The following PCF11 variants were observed in gnomAD, a reference collection of about 807,000 sequenced individuals.
The protein encoded by PCF11 is pre-mRNA cleavage complex 2 protein Pcf11.
Under a neutral mutation model 166.1 loss-of-function variants are expected in PCF11, and 19 were observed. The observed-to-expected ratio is 0.11, with a 90% confidence interval of 0.08 to 0.17. PCF11 has a LOEUF of 0.17. Ranked by LOEUF, PCF11 falls within the 10% of genes least tolerant of loss-of-function variation. The probability of loss-of-function intolerance (pLI) is 1.00; values close to 1 mark genes in which losing one functional copy is unlikely to be tolerated. For synonymous variants in PCF11, 663 were observed against 644.1 expected (o/e 1.03, Z -0.44); for missense variants, 1,565 against 1,855.5 (o/e 0.84, Z 2.88).
intron 9 of PCF11, among the ~76,000 whole-genome samples, chr11:83,172,353 A>G (rs888829221): frequency 6.6e-5 from 10 of 152,218 alleles, no homozygotes; most frequent in African/African-American, 2.2e-4. Context: ...GTTCACTGAT[A>G]AGCATCTTTG....
exon 5 of PCF11, chr11:83,166,581 G>A: frequency 6.2e-7 from 1 of 1,613,960 alleles, no homozygotes; most frequent in Non-Finnish European, 8.5e-7. Flanking sequence ...GAAAAAGACT[G>A]AAGAGGAGCG....
intron 15 of PCF11, among the ~76,000 whole-genome samples, chr11:83,183,663 T>C (rs1861162779): frequency 6.6e-6 from 1 of 151,960 alleles, no homozygotes; most frequent in Admixed American, 6.6e-5. Context: ...GCTAATTTTG[T>C]ATTTTTAGTA....
chr11:83,163,701 G>C, exon 3 of PCF11: 1 of 1,554,108 alleles, frequency 6.4e-7, no homozygotes, highest in Non-Finnish European at 8.7e-7. Flanking sequence ...ACTAGGAAAA[G>C]TTTATTTAAG....
chr11:83,161,681 T>C (rs1371917630), intron 2 of PCF11, among the ~76,000 whole-genome samples: 2 of 152,242 alleles, frequency 1.3e-5, no homozygotes, highest in Non-Finnish European at 2.9e-5. Context: ...ATGGATTTGC[T>C]TTTAGAATTG....
chr11:83,164,414 G>C lies in PCF11; in HGVS notation c.702+13G>C. 1 of 1,590,556 alleles carries C rather than the reference G, an allele frequency of 6.3e-7. No individual in the cohort carries two copies. The highest frequency in any genetic ancestry group is 8.6e-7 in the Non-Finnish European group (1 of 1,168,428). On this transcript the variant is annotated intron_variant, in intron 4 of 15. Transcript: ENST00000298281. ...TAAGGCACAGTTGGTAAGTAAGGGAGATTGTCATTTTAAATATTTTAAACC... is the reference window on the plus strand; with the variant it reads ...TAAGGCACAGTTGGTAAGTAAGGGACATTGTCATTTTAAATATTTTAAACC...
At chr11:83,157,403 TCAGCTG>T in exon 1 of PCF11, 2 of 1,584,652 alleles carry the variant, frequency 1.3e-6, no homozygotes, top group Non-Finnish European at 8.6e-7. Flanking sequence ...GGCTTCAGCT[TCAGCTG>T]CAGCGGACCT....
chr11:83,168,035 C>T (rs897484454), intron 7 of PCF11, 137 bp downstream of exon 7: 126 of 708,672 alleles, frequency 1.8e-4, no homozygotes, highest in East Asian at 5.1e-4. Flanking sequence ...ATGTTTTTTC[C>T]CTTTAAGGAA....
chr11:83,168,376 TAGA>T (rs1432111238), intron 7 of PCF11, 49 bp from the exon 8 acceptor site: 1 of 1,446,812 alleles, frequency 6.9e-7, no homozygotes, highest in African/African-American at 1.4e-5. Context: ...CATACGAAAA[TAGA>T]AGATTTTAAG....
chr11:83,162,516 C>G (rs1860297592), intron 2 of PCF11, among the ~76,000 whole-genome samples: 1 of 152,168 alleles, frequency 6.6e-6, no homozygotes, highest in Non-Finnish European at 1.5e-5. Flanking sequence ...TAACCAGAGG[C>G]TGTAGTCTTA....
chr11:83,157,945 T>C, intron 1 of PCF11: 1 of 295,618 alleles, frequency 3.4e-6, no homozygotes, highest in Non-Finnish European at 6.4e-6. Context: ...TAAAGGCAGT[T>C]TGTGGTTTGG....
exon 16 of PCF11, chr11:83,185,829 T>C (rs1403618251): frequency 4.6e-5 from 7 of 152,636 alleles, no homozygotes; most frequent in African/African-American, 1.7e-4. Flanking sequence ...TGAAAAGCTT[T>C]AGAATGTGAC....
At chr11:83,186,112 G>C (rs1013692251) in exon 16 of PCF11, 2 of 152,126 alleles carry the variant, frequency 1.3e-5, no homozygotes, top group African/African-American at 4.8e-5. Context: ...GAATTTGAAC[G>C]TGGCTTTGTT....
intron 9 of PCF11, among the ~76,000 whole-genome samples, chr11:83,173,312 G>T (rs1332549757): frequency 6.6e-6 from 1 of 152,040 alleles, no homozygotes; most frequent in Non-Finnish European, 1.5e-5. Flanking sequence ...AAAATTAGCT[G>T]GGTGTGGTGG....
At chr11:83,166,198 A>G (rs762905418) in exon 5 of PCF11, 1 of 1,612,392 alleles carries the variant, frequency 6.2e-7, no homozygotes, top group Non-Finnish European at 8.5e-7. Context: ...AAAGATGAGC[A>G]CATGAAGTCA....
At chr11:83,159,244 C>T (rs1408580506) in intron 1 of PCF11, among the ~76,000 whole-genome samples, 1 of 151,964 alleles carries the variant, frequency 6.6e-6, no homozygotes. Flanking sequence ...ATTCGTCATA[C>T]TCAACATGCT....
intron 8 of PCF11, chr11:83,171,201 CTTTGACATCTTTTACAAG>C (rs1051919759): frequency 1.7e-5 from 7 of 406,952 alleles, no homozygotes; most frequent in Admixed American, 3.0e-5. Context: ...TTAACATTCC[CTTTGACATCTTTTACAAG>C]ACCTTTTACA....
chr11:83,178,454 C>T (rs1279073804), intron 11 of PCF11, among the ~76,000 whole-genome samples: 1 of 151,998 alleles, frequency 6.6e-6, no homozygotes, highest in African/African-American at 2.4e-5. Flanking sequence ...ATATTCTTAA[C>T]ATTTTTGAGG....
chr11:83,179,340 C>T (rs1861003054), intron 11 of PCF11, among the ~76,000 whole-genome samples: 2 of 151,886 alleles, frequency 1.3e-5, no homozygotes, highest in Admixed American at 1.3e-4. Flanking sequence ...ACCTCCGCCT[C>T]CCAGGTTCAA....
At chr11:83,168,498 A>T in exon 8 of PCF11, 1 of 1,613,954 alleles carries the variant, frequency 6.2e-7, no homozygotes, top group Non-Finnish European at 8.5e-7. Flanking sequence ...ATGAAGATTC[A>T]GATAAACCAT....
Sources: allele counts gnomAD v4.1 joint callset (sites outside exome capture counted in the v4.1 genomes callset), GRCh38; gene constraint gnomAD v4.1.1; transcripts MANE v1.5; gene names NCBI Gene and HGNC (gene_info 2026-07-23, HGNC 2026-07-21).